LRP1B: variants seen among roughly 807,000 people sequenced by gnomAD.
The protein encoded by LRP1B is LDL receptor related protein 1B.
LRP1B carries 217 observed loss-of-function variants against 556.6 expected under a neutral mutation model. The observed-to-expected ratio is 0.39, with a 90% CI of 0.35 to 0.44. The LOEUF is 0.44. Among genes scored for constraint, LRP1B ranks in the 20% least tolerant of loss-of-function variants. LRP1B has a pLI of 1.00. For synonymous variants in LRP1B, 2,047 were observed against 1,865.8 expected (o/e 1.10, Z -2.50); for missense variants, 5,053 against 5,620.8 (o/e 0.90, Z 3.23).
chr2:141,275,215 T>A (rs1685240642), intron 3 of LRP1B, among the ~76,000 whole-genome samples: 1 of 152,200 alleles, frequency 6.6e-6, no homozygotes, highest in South Asian at 2.1e-4. Flanking sequence ...ATAAATGTAT[T>A]CATAGCATAC....
At chr2:141,243,063 C>CA (rs1297353897) in intron 5 of LRP1B, among the ~76,000 whole-genome samples, 2 of 151,814 alleles carry the variant, frequency 1.3e-5, no homozygotes, top group Non-Finnish European at 1.5e-5. Context: ...ACTCTACTCT[C>CA]AAAAAATATA....
At chr2:140,740,346 A>T (rs566251073) in intron 35 of LRP1B, among the ~76,000 whole-genome samples, 1 of 152,310 alleles carries the variant, frequency 6.6e-6, no homozygotes, top group Admixed American at 6.5e-5. Flanking sequence ...AAAAGGAATG[A>T]GTTAACAGCA....
chr2:140,738,477 C>T (rs929958220), intron 35 of LRP1B, among the ~76,000 whole-genome samples: 6 of 152,108 alleles, frequency 3.9e-5, no homozygotes, highest in African/African-American at 1.2e-4. Context: ...GCGTAACTAA[C>T]TGAATCTACC....
chr2:141,874,833 C>A (rs529252703), intron 1 of LRP1B, among the ~76,000 whole-genome samples: 7 of 151,862 alleles, frequency 4.6e-5, no homozygotes, highest in African/African-American at 1.5e-4. Flanking sequence ...TCTTCAGGAG[C>A]CTTATGGCCA....
intron 11 of LRP1B, among the ~76,000 whole-genome samples, chr2:141,030,917 A>G (rs1325193935): frequency 6.6e-6 from 1 of 152,000 alleles, no homozygotes; most frequent in Non-Finnish European, 1.5e-5. Flanking sequence ...AAGTATGAGG[A>G]TACACAATAT....
chr2:141,039,663 C>T (rs565450126), intron 11 of LRP1B, among the ~76,000 whole-genome samples: 8 of 152,032 alleles, frequency 5.3e-5, no homozygotes, highest in Admixed American at 3.3e-4. Flanking sequence ...TTTGTCATTA[C>T]GGATGCATAT....
intron 20 of LRP1B, among the ~76,000 whole-genome samples, chr2:140,949,438 G>A (rs1384887580): frequency 6.6e-6 from 1 of 152,118 alleles, no homozygotes; most frequent in Non-Finnish European, 1.5e-5. Flanking sequence ...TGGATATGTT[G>A]AGAGCCATGG....
chr2:141,044,854 C>T (rs950284760), intron 11 of LRP1B, among the ~76,000 whole-genome samples: 4 of 151,308 alleles, frequency 2.6e-5, no homozygotes, highest in African/African-American at 9.7e-5. Flanking sequence ...TTGTGGAAGT[C>T]AGTGTGGCGA....
intron 60 of LRP1B, among the ~76,000 whole-genome samples, chr2:140,467,589 G>A (rs998813477): frequency 1.3e-5 from 2 of 149,690 alleles, no homozygotes; most frequent in African/African-American, 2.5e-5. Flanking sequence ...CTCCTGCCTG[G>A]GGGACAGAGG....
chr2:141,924,991 A>C (rs1700295744), intron 1 of LRP1B, among the ~76,000 whole-genome samples: 1 of 152,150 alleles, frequency 6.6e-6, no homozygotes, highest in Non-Finnish European at 1.5e-5. Context: ...AATAGGGGAT[A>C]ATTCATCTTG....
At chr2:141,257,901 TATA>T (rs915392172) in intron 3 of LRP1B, among the ~76,000 whole-genome samples, 2 of 152,128 alleles carry the variant, frequency 1.3e-5, no homozygotes, top group African/African-American at 4.8e-5. Flanking sequence ...CATGCAATGC[TATA>T]ATGACTATAA....
intron 25 of LRP1B, among the ~76,000 whole-genome samples, chr2:140,878,091 G>T (rs1449850239): frequency 6.6e-6 from 1 of 152,092 alleles, no homozygotes; most frequent in African/African-American, 2.4e-5. Flanking sequence ...ATTGGGAAAG[G>T]ATAAAAATGA....
At chr2:141,774,031 A>G (rs1348953266) in intron 2 of LRP1B, among the ~76,000 whole-genome samples, 2 of 152,228 alleles carry the variant, frequency 1.3e-5, no homozygotes, top group East Asian at 1.9e-4. Context: ...GATGGCTGAC[A>G]TATCAATTTT....
intron 1 of LRP1B, among the ~76,000 whole-genome samples, chr2:141,852,095 T>TAAA (rs750737801): frequency 6.6e-5 from 10 of 151,744 alleles, no homozygotes; most frequent in Non-Finnish European, 1.2e-4. Flanking sequence ...ATTCATCTTT[T>TAAA]AAAAACGGTG....
chr2:140,616,412 T>C (rs923436982), intron 41 of LRP1B, among the ~76,000 whole-genome samples: 1 of 151,864 alleles, frequency 6.6e-6, no homozygotes, highest in Non-Finnish European at 1.5e-5. Flanking sequence ...CAATCTATAG[T>C]TGTTTGCCTG....
chr2:141,134,819 ATAT>A (rs1170855845), intron 7 of LRP1B, among the ~76,000 whole-genome samples: 3 of 151,504 alleles, frequency 2.0e-5, no homozygotes, highest in Admixed American at 6.6e-5. Context: ...GTCACATTTT[ATAT>A]TATTATTTTT....
chr2:141,141,652 T>C (rs940701132), intron 7 of LRP1B, among the ~76,000 whole-genome samples: 2 of 152,312 alleles, frequency 1.3e-5, no homozygotes, highest in Non-Finnish European at 2.9e-5. Flanking sequence ...CTTGTATGAA[T>C]ATTAAATTTA....
intron 23 of LRP1B, 62 bp downstream of exon 23, chr2:140,902,858 G>T (rs2105222150): frequency 6.5e-7 from 1 of 1,540,036 alleles, no homozygotes; most frequent in South Asian, 1.2e-5. Flanking sequence ...AAGCAGTTTT[G>T]GGATTTGTTT....
chr2:140,567,034 T>A (rs1681153227), intron 43 of LRP1B, among the ~76,000 whole-genome samples: 1 of 151,964 alleles, frequency 6.6e-6, no homozygotes, highest in Non-Finnish European at 1.5e-5. Context: ...CAGCGGCACA[T>A]CCCAAGTCTG....
Sources: gnomAD v4.1 joint callset for allele counts (sites outside exome capture counted in the v4.1 genomes callset) on GRCh38, gnomAD v4.1.1 for gene constraint, MANE v1.5 for transcripts, NCBI Gene and HGNC (gene_info 2026-07-23, HGNC 2026-07-21) for gene names.